Variants in PLCB4 observed in about 807,000 individuals in gnomAD.
PLCB4 encodes the protein phospholipase C beta 4.
A neutral mutation model predicts 178.8 loss-of-function variants in PLCB4; 77 were observed. The ratio of observed to expected loss-of-function variants is 0.43; its 90% CI spans 0.36 to 0.52. PLCB4 has a LOEUF of 0.52. Among genes scored for constraint, PLCB4 ranks in the 20% least tolerant of loss-of-function variants. The probability of loss-of-function intolerance (pLI) is 0.00; values close to 1 mark genes in which losing one functional copy is unlikely to be tolerated. For synonymous variants in PLCB4, 496 were observed against 490.8 expected (o/e 1.01, Z -0.14); for missense variants, 1,024 against 1,453.4 (o/e 0.70, Z 4.80).
At chr20:9,391,547 A>G (rs988772832) in intron 17 of PLCB4, among the ~76,000 whole-genome samples, 1 of 152,188 alleles carries the variant, frequency 6.6e-6, no homozygotes, top group African/African-American at 2.4e-5. Context: ...AAGTGTGTCT[A>G]TGGGAACTGA....
At chr20:9,259,921 A>C (rs2094279855) in intron 3 of PLCB4, among the ~76,000 whole-genome samples, 1 of 152,136 alleles carries the variant, frequency 6.6e-6, no homozygotes, top group South Asian at 2.1e-4. Flanking sequence ...TTTACCATTT[A>C]AAATTGTTCT....
At chr20:9,180,438 G>A (rs191337784) in intron 2 of PLCB4, among the ~76,000 whole-genome samples, 32 of 152,224 alleles carry the variant, frequency 2.1e-4, no homozygotes, top group Non-Finnish European at 4.3e-4. Flanking sequence ...GCAAATTGGG[G>A]CATTTATTAG....
intron 8 of PLCB4, among the ~76,000 whole-genome samples, chr20:9,363,529 C>A (rs2148242850): frequency 6.6e-6 from 1 of 152,198 alleles, no homozygotes; most frequent in Non-Finnish European, 1.5e-5. Flanking sequence ...ATGGTGATTT[C>A]CAAATTTATT....
chr20:9,451,161 C>T (rs762380855), intron 32 of PLCB4, among the ~76,000 whole-genome samples: 2 of 152,158 alleles, frequency 1.3e-5, no homozygotes, highest in African/African-American at 2.4e-5. Context: ...AAAAGACCTG[C>T]CCTGCTCTTG....
At chr20:9,245,405 G>A (rs147445763) in intron 3 of PLCB4, among the ~76,000 whole-genome samples, 27 of 152,266 alleles carry the variant, frequency 1.8e-4, no homozygotes, top group African/African-American at 6.0e-4. Flanking sequence ...ACCTTCTATG[G>A]CAAAAGATGT....
At chr20:9,384,155 C>A in intron 13 of PLCB4, 46 bp from the exon 14 acceptor site, 1 of 1,348,560 alleles carries the variant, frequency 7.4e-7, no homozygotes, top group Non-Finnish European at 1.1e-6. Context: ...ATGAGATATG[C>A]ATCTTCAGAG....
chr20:9,221,656 G>T (rs2093800398), intron 3 of PLCB4, among the ~76,000 whole-genome samples: 1 of 152,222 alleles, frequency 6.6e-6, no homozygotes, highest in Non-Finnish European at 1.5e-5. Context: ...GGTTCAAAGA[G>T]CTAAGTCCTA....
chr20:9,354,600 G>A (rs973914323), intron 7 of PLCB4, among the ~76,000 whole-genome samples: 2 of 152,142 alleles, frequency 1.3e-5, no homozygotes, highest in Non-Finnish European at 2.9e-5. Context: ...GCTGATCAAG[G>A]GAACCACACT....
At chr20:9,141,315 G>A (rs954135955) in intron 2 of PLCB4, among the ~76,000 whole-genome samples, 2 of 152,152 alleles carry the variant, frequency 1.3e-5, no homozygotes, top group African/African-American at 2.4e-5. Context: ...GGGATATGAC[G>A]GATGCACCTC....
At chr20:9,337,865 T>C in intron 5 of PLCB4, 143 bp from the exon 6 acceptor site, 1 of 562,708 alleles carries the variant, frequency 1.8e-6, no homozygotes, top group African/African-American at 1.9e-5. Flanking sequence ...ACAATAATTA[T>C]TGTTACATGG....
At chr20:9,195,509 G>T (rs1460874551) in intron 2 of PLCB4, among the ~76,000 whole-genome samples, 1 of 152,224 alleles carries the variant, frequency 6.6e-6, no homozygotes, top group East Asian at 1.9e-4. Context: ...ATCATCAGCA[G>T]TTCATTGAGG....
intron 4 of PLCB4, among the ~76,000 whole-genome samples, chr20:9,312,985 A>G (rs916557302): frequency 6.6e-5 from 10 of 152,230 alleles, no homozygotes; most frequent in Non-Finnish European, 1.5e-4. Context: ...AGTAAATAGT[A>G]GGTCAAACCA....
chr20:9,462,341 A>C (rs951846364), intron 35 of PLCB4, among the ~76,000 whole-genome samples: 2 of 152,168 alleles, frequency 1.3e-5, no homozygotes, highest in Admixed American at 6.5e-5. Context: ...AATTCTAAAA[A>C]CCAGAGCACC....
chr20:9,191,699 G>A (rs537033681), intron 2 of PLCB4, among the ~76,000 whole-genome samples: 2 of 151,978 alleles, frequency 1.3e-5, no homozygotes, highest in East Asian at 1.9e-4. Context: ...AATATACCCC[G>A]AGTCCCTCTG....
chr20:9,215,671 T>G (rs1468358075), intron 2 of PLCB4, among the ~76,000 whole-genome samples: 1 of 152,198 alleles, frequency 6.6e-6, no homozygotes, highest in Non-Finnish European at 1.5e-5. Flanking sequence ...TGGTAAAATA[T>G]TACATAATGG....
chr20:9,112,180 A>G (rs1158407780), intron 2 of PLCB4, among the ~76,000 whole-genome samples: 2 of 152,100 alleles, frequency 1.3e-5, no homozygotes, highest in Admixed American at 1.3e-4. Context: ...TCTGAAGAGA[A>G]GGCCTTTTAC....
At chr20:9,143,174 T>A (rs1010466956) in intron 2 of PLCB4, among the ~76,000 whole-genome samples, 12 of 152,188 alleles carry the variant, frequency 7.9e-5, no homozygotes, top group African/African-American at 2.4e-4. Flanking sequence ...TTTTCCTCCA[T>A]AACCTTTAGT....
intron 2 of PLCB4, among the ~76,000 whole-genome samples, chr20:9,170,417 C>A (rs1450237880): frequency 6.6e-6 from 1 of 152,072 alleles, no homozygotes; most frequent in African/African-American, 2.4e-5. Context: ...TGATTCTTAT[C>A]ATGTTTTATG....
chr20:9,111,278 G>A (rs1432743230), intron 2 of PLCB4, among the ~76,000 whole-genome samples: 1 of 152,178 alleles, frequency 6.6e-6, no homozygotes, highest in Non-Finnish European at 1.5e-5. Context: ...GTGTTCTTCA[G>A]ATGGCAGTGT....
Sources: allele counts gnomAD v4.1 joint callset (sites outside exome capture counted in the v4.1 genomes callset), GRCh38; gene constraint gnomAD v4.1.1; transcripts MANE v1.5; gene names NCBI Gene and HGNC (gene_info 2026-07-23, HGNC 2026-07-21).